RERG: variants seen among roughly 807,000 people sequenced by gnomAD.
RERG encodes RAS like estrogen regulated growth inhibitor.
A neutral mutation model predicts 23.2 loss-of-function variants in RERG; 25 were observed. That is an observed-to-expected ratio of 1.08 (90% CI 0.79 to 1.50). RERG has a LOEUF of 1.50. RERG is among the 40% of genes most tolerant of loss of function. RERG has a pLI of 0.00. For synonymous variants in RERG, 81 were observed against 89.1 expected (o/e 0.91, Z 0.51); for missense variants, 253 against 250.1 (o/e 1.01, Z -0.08).
At chr12:15,204,045 A>G (rs191688032) in intron 2 of RERG, among the ~76,000 whole-genome samples, 35 of 151,846 alleles carry the variant, frequency 2.3e-4, no homozygotes, top group Admixed American at 1.8e-3. Flanking sequence ...ACAAGTTTCT[A>G]TTTCTTACAG....
chr12:15,153,874 T>C (rs1394188828), intron 2 of RERG, among the ~76,000 whole-genome samples: 2 of 152,186 alleles, frequency 1.3e-5, no homozygotes, highest in African/African-American at 2.4e-5. Context: ...GCTAAGATGA[T>C]TTCATTGGAG....
At chr12:15,167,932 C>T (rs900791951) in intron 2 of RERG, among the ~76,000 whole-genome samples, 1 of 152,106 alleles carries the variant, frequency 6.6e-6, no homozygotes, top group African/African-American at 2.4e-5. Flanking sequence ...AGTTGAATAA[C>T]AATTGGGAAC....
chr12:15,123,794 G>A (rs559411204), intron 2 of RERG, among the ~76,000 whole-genome samples: 2 of 151,974 alleles, frequency 1.3e-5, no homozygotes, highest in South Asian at 2.1e-4. Context: ...AAGTAAAATG[G>A]TGGTATTGAT....
chr12:15,146,913 T>C (rs1399166973), intron 2 of RERG, among the ~76,000 whole-genome samples: 6 of 152,284 alleles, frequency 3.9e-5, no homozygotes, highest in Admixed American at 3.3e-4. Flanking sequence ...CTTGGAAATA[T>C]TACATTAACA....
At chr12:15,158,908 A>T (rs1325385754) in intron 2 of RERG, among the ~76,000 whole-genome samples, 3 of 152,004 alleles carry the variant, frequency 2.0e-5, no homozygotes, top group African/African-American at 7.2e-5. Context: ...TAAAGTTATT[A>T]TTTTTCTATC....
At chr12:15,123,092 C>T (rs930411584) in intron 2 of RERG, among the ~76,000 whole-genome samples, 4 of 152,190 alleles carry the variant, frequency 2.6e-5, no homozygotes, top group South Asian at 2.1e-4. Flanking sequence ...CCACCGCGCC[C>T]GGCCAGACTA....
chr12:15,153,548 C>T (rs796477360), intron 2 of RERG, among the ~76,000 whole-genome samples: 8 of 152,200 alleles, frequency 5.3e-5, no homozygotes, highest in African/African-American at 1.9e-4. Context: ...TTATAAGGAA[C>T]TAGAGAACCA....
At chr12:15,188,918 T>C (rs1187816004) in intron 2 of RERG, among the ~76,000 whole-genome samples, 1 of 152,142 alleles carries the variant, frequency 6.6e-6, no homozygotes, top group Non-Finnish European at 1.5e-5. Flanking sequence ...GAGAGATCAC[T>C]TGTTCTTTTT....
rs868271486 is a variant in RERG, at chr12:15,149,060, G to A, written c.62-27941C>T. Among the ~76,000 whole-genome samples, 5 of 151,562 alleles carry A rather than the reference G, an allele frequency of 3.3e-5. No homozygotes were observed. In the Middle Eastern group the frequency reaches 0.01, roughly 309 times the overall value. On this transcript the variant is annotated intron_variant, in intron 2 of 4. Transcript: ENST00000256953. ...ATTTTTTGTATTCTTTAGTAGAGACGGGGTTTCACTGTATTAGCAAGGATG... is the reference window on the plus strand; with the variant it reads ...ATTTTTTGTATTCTTTAGTAGAGACAGGGTTTCACTGTATTAGCAAGGATG...
intron 2 of RERG, among the ~76,000 whole-genome samples, chr12:15,194,632 C>A (rs1865118225): frequency 6.6e-6 from 1 of 151,978 alleles, no homozygotes; most frequent in Non-Finnish European, 1.5e-5. Flanking sequence ...AATCTTGGAG[C>A]CCATCTCTTC....
At chr12:15,192,615 A>C (rs1266994748) in intron 2 of RERG, among the ~76,000 whole-genome samples, 1 of 152,184 alleles carries the variant, frequency 6.6e-6, no homozygotes, top group Non-Finnish European at 1.5e-5. Context: ...AATACTATTA[A>C]CTAAACAACT....
At chr12:15,190,530 A>G (rs1177792103) in intron 2 of RERG, among the ~76,000 whole-genome samples, 1 of 152,162 alleles carries the variant, frequency 6.6e-6, no homozygotes, top group African/African-American at 2.4e-5. Flanking sequence ...TGACCCAAAG[A>G]TGGCAAAGAT....
intron 2 of RERG, among the ~76,000 whole-genome samples, chr12:15,205,466 T>G (rs1042082637): frequency 1.3e-5 from 2 of 152,048 alleles, no homozygotes; most frequent in African/African-American, 2.4e-5. Context: ...TACGAAATAT[T>G]TGAATGGAAA....
chr12:15,218,434 T>G (rs546890490), intron 1 of RERG, among the ~76,000 whole-genome samples: 1 of 148,414 alleles, frequency 6.7e-6, no homozygotes, highest in African/African-American at 2.6e-5. Context: ...GTGGGGGTCA[T>G]CTGAAGAAAT....
intron 2 of RERG, among the ~76,000 whole-genome samples, chr12:15,211,723 A>G (rs1012956139): frequency 3.9e-5 from 6 of 152,232 alleles, no homozygotes; most frequent in African/African-American, 1.2e-4. Context: ...GGGGATGGAC[A>G]TGCTAATTCA....
At chr12:15,156,209 C>A (rs540543140) in intron 2 of RERG, among the ~76,000 whole-genome samples, 1 of 152,258 alleles carries the variant, frequency 6.6e-6, no homozygotes, top group African/African-American at 2.4e-5. Context: ...TCCATCATTT[C>A]TATTAGGGAC....
intron 2 of RERG, among the ~76,000 whole-genome samples, chr12:15,173,709 TTAAG>T (rs540427467): frequency 1.9e-3 from 282 of 152,102 alleles, no homozygotes; most frequent in African/African-American, 2.5e-3. Flanking sequence ...AAATTTATAC[TTAAG>T]TATTTTATTC....
chr12:15,114,118 G>A (rs1448092346), intron 3 of RERG, among the ~76,000 whole-genome samples: 2 of 151,924 alleles, frequency 1.3e-5, no homozygotes, highest in African/African-American at 2.4e-5. Context: ...GGCTTCTAGG[G>A]CATATATTAA....
intron 3 of RERG, among the ~76,000 whole-genome samples, chr12:15,112,635 T>C (rs888164): frequency 0.99 from 151,545 of 152,334 alleles, 75,388 homozygotes; most frequent in East Asian, 1. Context: ...GAATGAATGA[T>C]TGACCTGATG....
Sources: gnomAD v4.1 joint callset for allele counts (sites outside exome capture counted in the v4.1 genomes callset) on GRCh38, gnomAD v4.1.1 for gene constraint, MANE v1.5 for transcripts, NCBI Gene and HGNC (gene_info 2026-07-23, HGNC 2026-07-21) for gene names.